The following SDK1 variants were observed in gnomAD, a reference collection of about 807,000 sequenced individuals.
The protein encoded by SDK1 is protein sidekick-1.
SDK1 carries 157 observed loss-of-function variants against 245.5 expected under a neutral mutation model. The observed-to-expected ratio is 0.64, with a 90% CI of 0.56 to 0.73. The LOEUF (loss-of-function observed/expected upper bound fraction) is 0.73. Ranked by LOEUF, SDK1 falls within the 30% of genes least tolerant of loss-of-function variation. SDK1 has a pLI of 0.00. For synonymous variants in SDK1, 1,647 were observed against 1,278.5 expected (o/e 1.29, Z -6.15); for missense variants, 3,583 against 3,002.3 (o/e 1.19, Z -4.52).
Position 4,224,982 on chromosome 7 carries a change from C to CAAA in SDK1, c.5827+3651_5827+3653dup, listed in dbSNP as rs3038664. ...TGGGCAACAGAGTGAGACTCTGTCT[C>CAAA]AAAAAAAAAAAAAAAAAAAAAAAAA... On this transcript the variant is annotated intron_variant, in intron 40 of 44. Transcript: ENST00000404826. Among the ~76,000 whole-genome samples the CAAA allele has an allele frequency of 1.4e-3, 62 of 43,738 alleles. 2 individuals carry two copies. Among genetic ancestry groups the CAAA allele is most frequent in the Middle Eastern group, 0.016 (1 of 62 alleles). The allele number at this position is 43,738 out of a possible 152,430, so 28.7% of individuals were successfully genotyped here. A position where few individuals can be genotyped will look rare whatever the true frequency, so the allele number is the denominator to read the frequency against.
chr7:3,992,846 A>G (rs1360272203), intron 14 of SDK1, among the ~76,000 whole-genome samples: 1 of 152,192 alleles, frequency 6.6e-6, no homozygotes, highest in South Asian at 2.1e-4. Context: ...GTGCACTTTG[A>G]GTAATGCAAA....
At chr7:3,543,714 G>A (rs141298874) in intron 1 of SDK1, among the ~76,000 whole-genome samples, 43 of 152,338 alleles carry the variant, frequency 2.8e-4, no homozygotes, top group African/African-American at 9.6e-4. Flanking sequence ...ACAGGCAGGA[G>A]TTACCTGGAC....
chr7:3,308,482 A>G (rs1779472819), intron 1 of SDK1, among the ~76,000 whole-genome samples: 1 of 152,166 alleles, frequency 6.6e-6, no homozygotes, highest in Non-Finnish European at 1.5e-5. Flanking sequence ...CTGGCACTTT[A>G]TTGATATACA....
At chr7:4,201,853 A>G (rs533438595) in intron 35 of SDK1, among the ~76,000 whole-genome samples, 1 of 152,308 alleles carries the variant, frequency 6.6e-6, no homozygotes, top group East Asian at 1.9e-4. Flanking sequence ...CTTTGGCAAC[A>G]GCTGACGCCT....
intron 4 of SDK1, among the ~76,000 whole-genome samples, chr7:3,675,464 C>G (rs1038745062): frequency 6.6e-6 from 1 of 152,156 alleles, no homozygotes; most frequent in African/African-American, 2.4e-5. Context: ...TTCCAGTTTC[C>G]TGTTTCATTC....
At chr7:3,869,363 C>T (rs1780902756) in intron 5 of SDK1, among the ~76,000 whole-genome samples, 1 of 152,016 alleles carries the variant, frequency 6.6e-6, no homozygotes, top group Non-Finnish European at 1.5e-5. Flanking sequence ...ACCATGTTAG[C>T]CAGGCTGGTC....
At chr7:3,763,219 A>AT (rs1256382609) in intron 4 of SDK1, among the ~76,000 whole-genome samples, 1 of 152,064 alleles carries the variant, frequency 6.6e-6, no homozygotes, top group African/African-American at 2.4e-5. Context: ...GCATAGTCTT[A>AT]TTTTTTCTAA....
At chr7:3,903,210 C>G (rs1781850352) in intron 5 of SDK1, among the ~76,000 whole-genome samples, 1 of 148,630 alleles carries the variant, frequency 6.7e-6, no homozygotes, top group Non-Finnish European at 1.5e-5. Flanking sequence ...GTGGTGTAAT[C>G]TCGGCTCACT....
At chr7:3,602,657 C>T (rs1233594050) in intron 1 of SDK1, among the ~76,000 whole-genome samples, 2 of 151,726 alleles carry the variant, frequency 1.3e-5, no homozygotes, top group Non-Finnish European at 2.9e-5. Flanking sequence ...GTTTCTTTTG[C>T]TGTGCAGAAG....
At chr7:3,501,260 T>G (rs1162782972) in intron 1 of SDK1, among the ~76,000 whole-genome samples, 2 of 152,158 alleles carry the variant, frequency 1.3e-5, no homozygotes, top group Non-Finnish European at 2.9e-5. Flanking sequence ...CTGATTAGAT[T>G]CCTTAGGGAA....
intron 1 of SDK1, among the ~76,000 whole-genome samples, chr7:3,502,059 C>G (rs372604678): frequency 6.6e-6 from 1 of 151,930 alleles, no homozygotes; most frequent in Non-Finnish European, 1.5e-5. Flanking sequence ...CATTTGATTT[C>G]TATAATTAAA....
At position 3,441,890 on chromosome 7, in the gene SDK1, A is replaced by G. The variant is rs150983619; in HGVS notation, c.298+140006A>G. On this transcript the variant is annotated intron_variant, in intron 1 of 44. Transcript: ENST00000404826. Reference sequence around the variant, plus strand: ...AGGGTACCTTGAAATTACATTAAGCAGAACACTGGGAATTGGTCTTTTTGC... The same window carrying G: ...AGGGTACCTTGAAATTACATTAAGCGGAACACTGGGAATTGGTCTTTTTGC... Among the ~76,000 whole-genome samples the G allele has an allele frequency of 3.3e-5, 5 of 152,348 alleles. No individual in the cohort carries two copies. In the East Asian group the frequency reaches 9.7e-4, roughly 29 times the overall value.
intron 1 of SDK1, among the ~76,000 whole-genome samples, chr7:3,454,517 C>T (rs1780616305): frequency 1.3e-5 from 2 of 151,484 alleles, no homozygotes; most frequent in South Asian, 4.2e-4. Flanking sequence ...TGCAAGAGTC[C>T]CTTGGGTTGT....
chr7:3,726,068 C>T (rs1420230187), intron 4 of SDK1, among the ~76,000 whole-genome samples: 1 of 152,208 alleles, frequency 6.6e-6, no homozygotes, highest in Non-Finnish European at 1.5e-5. Context: ...TTACATCTGC[C>T]TAATGTTCTT....
chr7:3,905,791 TA>T (rs557674454), intron 5 of SDK1, among the ~76,000 whole-genome samples: 62 of 147,614 alleles, frequency 4.2e-4, no homozygotes, highest in South Asian at 1.3e-3. Context: ...CCTGGCTAAT[TA>T]AAAAAAAAAA....
At chr7:3,499,776 T>C (rs1343014999) in intron 1 of SDK1, among the ~76,000 whole-genome samples, 1 of 152,262 alleles carries the variant, frequency 6.6e-6, no homozygotes, top group South Asian at 2.1e-4. Context: ...CTGTGGAAGT[T>C]AGTGGCCAAG....
chr7:4,029,228 T>TTTTTTGTG (rs746967075), intron 17 of SDK1, among the ~76,000 whole-genome samples: 1 of 112,088 alleles, frequency 8.9e-6, no homozygotes, highest in African/African-American at 5.0e-5. Flanking sequence ...TTTTTTTTTT[T>TTTTTTGTG]TGTGAAGAAG....
At position 4,075,842 on chromosome 7, in the gene SDK1, C is replaced by T. The variant is rs928629509; in HGVS notation, c.3011-1156C>T. ...GCTAATTTTTATATTTTAGTAGAGACGGGGTTTCACATGTTGGCCAGGCTG... is the reference window on the plus strand; with the variant it reads ...GCTAATTTTTATATTTTAGTAGAGATGGGGTTTCACATGTTGGCCAGGCTG... On this transcript the variant is annotated intron_variant, in intron 20 of 44. Coordinates refer to ENST00000404826, the MANE Select transcript of SDK1 (RefSeq NM_152744.4). Among the ~76,000 whole-genome samples, 6 of 151,946 alleles carry T rather than the reference C, an allele frequency of 3.9e-5. No individual in the cohort carries two copies. The South Asian group carries it at 6.2e-4, about 16-fold the overall frequency.
rs1488935178 is a variant in SDK1 at position 3,987,292 on chromosome 7, C to A, written c.2101C>A (p.Leu701Ile). 1.9e-6 allele frequency: 3 copies of A among 1,613,934 alleles called. No homozygotes were observed. The African/African-American group carries it at 4.0e-5, about 22-fold the overall frequency. ...GCCCTTTGATGGAAACAGTCCTATT[C>A]TTTATTACATCGTGGAGCTCTCTGA... ...VRPFDGNSPI[L>I]YYIVELSENN... The change falls in exon 14 of 45, where the codon CTT becomes ATT. Residue 701 changes from leucine (L) to isoleucine (I), a missense_variant. By Grantham distance (5) the Leu-to-Ile change is conservative. Transcript: ENST00000404826.
Sources: gnomAD v4.1 joint callset for allele counts (sites outside exome capture counted in the v4.1 genomes callset) on GRCh38, gnomAD v4.1.1 for gene constraint, MANE v1.5 for transcripts, NCBI Gene and HGNC (gene_info 2026-07-23, HGNC 2026-07-21) for gene names.